CST8: variants seen among roughly 807,000 people sequenced by gnomAD.
CST8 encodes cystatin-8.
CST8 carries 20 observed loss-of-function variants against 11.8 expected under a neutral mutation model. That is an observed-to-expected ratio of 1.70 (90% confidence interval 1.20 to 2.47). The LOEUF (loss-of-function observed/expected upper bound fraction) is 2.47, where lower values mean the gene tolerates loss of function less well. Ranked by LOEUF, CST8 falls within the 30% of genes most tolerant of loss-of-function variation. The pLI is 0.00. For synonymous variants in CST8, 77 were observed against 63.1 expected (o/e 1.22, Z -1.05); for missense variants, 196 against 167.2 (o/e 1.17, Z -0.95).
rs969036106 is a variant in CST8, at chr20:23,493,261, C to T, written c.345+190C>T. On this transcript the variant is annotated intron_variant, in intron 3 of 3. Transcript: ENST00000246012. ...GTGGTGGAACCCTCTGAGCTTCTTT[C>T]TCATCCTTCATCCTGCAGAAAGGAT... 3.9e-5 allele frequency among the ~76,000 whole-genome samples: 6 copies of T among 152,156 alleles called. 1 individual carries two copies. The highest frequency in any genetic ancestry group is 2.6e-4 in the Admixed American group (4 of 15,278).
the CST8 span, among the ~76,000 whole-genome samples, chr20:23,502,665 A>G: frequency 6.4e-3 from 976 of 152,220 alleles, 10 homozygotes; most frequent in African/African-American, 0.022. Context: ...GTAACTTCCG[A>G]GCAAGTGTGA....
the CST8 span, among the ~76,000 whole-genome samples, chr20:23,501,198 C>A: frequency 1.3e-5 from 2 of 152,218 alleles, no homozygotes; most frequent in African/African-American, 4.8e-5. Flanking sequence ...CCTGGGATTT[C>A]CCCTCATGCC....
the CST8 span, among the ~76,000 whole-genome samples, chr20:23,501,069 G>C: frequency 1.3e-5 from 2 of 152,128 alleles, no homozygotes; most frequent in Non-Finnish European, 1.5e-5. Context: ...TAAATTTACT[G>C]TTAACTTGTG....
intron 3 of CST8, among the ~76,000 whole-genome samples, chr20:23,495,610 C>T (rs775959396): frequency 2.6e-5 from 4 of 152,032 alleles, no homozygotes; most frequent in Non-Finnish European, 4.4e-5. Flanking sequence ...TTCTTGTCTT[C>T]CTGTGGTTAA....
the CST8 span, among the ~76,000 whole-genome samples, chr20:23,501,303 G>A: frequency 1.3e-5 from 2 of 152,188 alleles, no homozygotes; most frequent in Non-Finnish European, 2.9e-5. Context: ...CTCCTTCTGT[G>A]TTTGTAAGTA....
downstream of CST8, among the ~76,000 whole-genome samples, chr20:23,500,842 T>C (rs551027642): frequency 1.3e-5 from 2 of 152,138 alleles, no homozygotes; most frequent in African/African-American, 4.8e-5. Flanking sequence ...ACTGTTTTAC[T>C]CCCACCCCCA....
chr20:23,501,317 T>TACAAACTACTTC, the CST8 span, among the ~76,000 whole-genome samples: 1 of 152,224 alleles, frequency 6.6e-6, no homozygotes, highest in Non-Finnish European at 1.5e-5. Context: ...GTAAGTAGTC[T>TACAAACTACTTC]AGGTTTATAA....
chr20:23,498,426 T>C (rs960097205), downstream of CST8, among the ~76,000 whole-genome samples: 3 of 152,192 alleles, frequency 2.0e-5, no homozygotes, highest in Admixed American at 6.5e-5. Context: ...TGGTAGGTGG[T>C]AGGGATTTCA....
the CST8 span, among the ~76,000 whole-genome samples, chr20:23,502,513 A>G: frequency 1.3e-5 from 2 of 152,186 alleles, no homozygotes; most frequent in East Asian, 1.9e-4. Context: ...CTGAGCCACT[A>G]TGTTCCTTAA....
the CST8 span, among the ~76,000 whole-genome samples, chr20:23,504,684 T>TACA: frequency 6.6e-6 from 1 of 152,168 alleles, no homozygotes; most frequent in African/African-American, 2.4e-5. Context: ...TTTATAATAC[T>TACA]ACAACAACAA....
chr20:23,501,484 C>T, the CST8 span, among the ~76,000 whole-genome samples: 7 of 152,358 alleles, frequency 4.6e-5, no homozygotes, highest in South Asian at 2.1e-4. Flanking sequence ...GACTGAGGCA[C>T]GCCTCCTCAG....
At chr20:23,497,276 G>A (rs933292330), downstream of CST8, among the ~76,000 whole-genome samples, 4 of 152,226 alleles carry the variant, frequency 2.6e-5, no homozygotes, top group Non-Finnish European at 5.9e-5. Flanking sequence ...GCTTCAGCCG[G>A]TCCCTCTGTT....
At chr20:23,504,879 G>A in the CST8 span, among the ~76,000 whole-genome samples, 53,582 of 151,854 alleles carry the variant, frequency 0.35, 11,542 homozygotes, top group Non-Finnish European at 0.47. Context: ...AGGAGTTTGG[G>A]GTGCTCACCA....
downstream of CST8, among the ~76,000 whole-genome samples, chr20:23,497,486 G>A (rs1481391349): frequency 6.6e-6 from 1 of 152,234 alleles, no homozygotes; most frequent in Non-Finnish European, 1.5e-5. Flanking sequence ...GACAGAACTA[G>A]TAGCCCTCCC....
chr20:23,491,417 G>C (rs1987874882), intron 1 of CST8, 75 bp downstream of exon 1: 2 of 542,390 alleles, frequency 3.7e-6, no homozygotes, highest in Admixed American at 3.1e-5. Flanking sequence ...AGGGTAAGGA[G>C]GGGAGGCTGG....
intron 3 of CST8, among the ~76,000 whole-genome samples, chr20:23,495,574 C>A (rs1988016457): frequency 1.3e-5 from 2 of 152,056 alleles, no homozygotes; most frequent in South Asian, 4.1e-4. Context: ...TCTGAACTTG[C>A]ACCACAATGT....
At chr20:23,497,541 T>C (rs1988079516), downstream of CST8, among the ~76,000 whole-genome samples, 1 of 152,256 alleles carries the variant, frequency 6.6e-6, no homozygotes, top group Non-Finnish European at 1.5e-5. Context: ...TCTTCCTATA[T>C]GTATTAGTCT....
downstream of CST8, among the ~76,000 whole-genome samples, chr20:23,499,963 A>G (rs1988143328): frequency 6.6e-6 from 1 of 151,696 alleles, no homozygotes; most frequent in Non-Finnish European, 1.5e-5. Flanking sequence ...CAGGAGAGAG[A>G]GAGACAGTGT....
At chr20:23,497,810 C>T (rs967324612), downstream of CST8, among the ~76,000 whole-genome samples, 6 of 152,216 alleles carry the variant, frequency 3.9e-5, no homozygotes, top group Non-Finnish European at 8.8e-5. Context: ...ATTCAGTTAT[C>T]TCCAGCTATC....
Sources: allele counts gnomAD v4.1 joint callset (sites outside exome capture counted in the v4.1 genomes callset), GRCh38; gene constraint gnomAD v4.1.1; transcripts MANE v1.5; gene names NCBI Gene and HGNC (gene_info 2026-07-23, HGNC 2026-07-21).